PRICKLE2: variants seen among roughly 807,000 people sequenced by gnomAD.
PRICKLE2 encodes the protein prickle-like protein 2.
Under a neutral mutation model 81.4 loss-of-function variants are expected in PRICKLE2, and 21 were observed. That is an observed-to-expected ratio of 0.26 (90% confidence interval 0.18 to 0.37). The LOEUF (loss-of-function observed/expected upper bound fraction) is 0.37. Ranked by LOEUF, PRICKLE2 falls within the 10% of genes least tolerant of loss-of-function variation. The pLI is 1.00. For synonymous variants in PRICKLE2, 456 were observed against 421.5 expected (o/e 1.08, Z -1.00); for missense variants, 940 against 1,109.0 (o/e 0.85, Z 2.16).
At chr3:64,111,306 C>A (rs1312371392) in intron 7 of PRICKLE2, among the ~76,000 whole-genome samples, 1 of 152,200 alleles carries the variant, frequency 6.6e-6, no homozygotes, top group Non-Finnish European at 1.5e-5. Context: ...CACTTTTACG[C>A]ATGTTGTCAT....
At position 64,147,385 on chromosome 3, in the gene PRICKLE2, C is replaced by T. The variant is rs568569832; in HGVS notation, c.1105G>A (p.Val369Ile). Residue 369 changes from valine to isoleucine, a missense_variant, in exon 7 of 8, where the codon GTA (valine) becomes ATA (isoleucine). Physicochemically the swap from Val to Ile is conservative, Grantham distance 29 (BLOSUM62 3). Around this residue, in one of 2 missense-constraint regions of PRICKLE2, gnomAD observed 670 missense variants for 717.2 expected, o/e 0.93. Coordinates refer to ENST00000638394, the MANE Select transcript of PRICKLE2 (RefSeq NM_198859.4). The surrounding 1 kb of genome is among the most constrained non-coding windows in gnomAD (Gnocchi z 5.0). ...QVSSNRLSAD[V>I]DPLSLQMDML... Reference sequence around the variant, plus strand: ...TCCATCTGCAGTGACAGGGGGTCTACGTCGGCTGACAGCCGGTTAGAACTC... The same window carrying T: ...TCCATCTGCAGTGACAGGGGGTCTATGTCGGCTGACAGCCGGTTAGAACTC... The T allele has an allele frequency of 1.6e-5, 26 of 1,614,246 alleles. No individual in the cohort carries two copies. Among genetic ancestry groups the T allele is most frequent in the Non-Finnish European group, 2.0e-5 (24 of 1,180,050 alleles).
At chr3:64,213,927 T>A (rs2078831973) in intron 1 of PRICKLE2, among the ~76,000 whole-genome samples, 1 of 152,182 alleles carries the variant, frequency 6.6e-6, no homozygotes, top group Non-Finnish European at 1.5e-5. Context: ...ACTGGTCCCT[T>A]AATCCATGTA....
At chr3:64,233,064 A>C (rs764594600) in intron 2 of PRICKLE2, among the ~76,000 whole-genome samples, 11 of 152,228 alleles carry the variant, frequency 7.2e-5, no homozygotes, top group Admixed American at 1.3e-4. Flanking sequence ...TACAGCCTGC[A>C]AAGCCTAATA....
chr3:64,244,996 C>T (rs920036034), intron 2 of PRICKLE2, among the ~76,000 whole-genome samples: 1 of 152,086 alleles, frequency 6.6e-6, no homozygotes, highest in Admixed American at 6.5e-5. Flanking sequence ...ACCATAACAT[C>T]GCTACCAATC....
chr3:64,259,714 T>G (rs934707200), intron 2 of PRICKLE2, among the ~76,000 whole-genome samples: 2 of 152,074 alleles, frequency 1.3e-5, no homozygotes, highest in African/African-American at 4.8e-5. Flanking sequence ...AGAGGGAAAT[T>G]TGACACATGC....
chr3:64,133,106 C>G (rs895289323), intron 7 of PRICKLE2, among the ~76,000 whole-genome samples: 1 of 152,008 alleles, frequency 6.6e-6, no homozygotes, highest in Non-Finnish European at 1.5e-5. Context: ...CCAGTATTGC[C>G]AGATAAAGGT....
intron 2 of PRICKLE2, among the ~76,000 whole-genome samples, chr3:64,171,814 G>A (rs938014521): frequency 5.3e-5 from 8 of 152,196 alleles, no homozygotes; most frequent in Non-Finnish European, 8.8e-5. Flanking sequence ...GTGCTGTGGG[G>A]TGGGTGGAGA....
intron 7 of PRICKLE2, chr3:64,101,667 GC>G (rs1289588092): frequency 1.3e-5 from 2 of 152,206 alleles, no homozygotes; most frequent in African/African-American, 2.4e-5. Flanking sequence ...AAAAGAGAGG[GC>G]TCTATGTATA....
At chr3:64,215,040 A>G (rs550128326) in intron 1 of PRICKLE2, among the ~76,000 whole-genome samples, 2 of 152,084 alleles carry the variant, frequency 1.3e-5, no homozygotes, top group Non-Finnish European at 2.9e-5. Context: ...CCCTTCTAGA[A>G]TCTAATTTCC....
At chr3:64,150,739 T>C (rs1329306982) in intron 6 of PRICKLE2, among the ~76,000 whole-genome samples, 1 of 152,174 alleles carries the variant, frequency 6.6e-6, no homozygotes, top group Non-Finnish European at 1.5e-5. Context: ...CTCCAAGCTT[T>C]GGCAAGCACA....
chr3:64,157,141 C>A, intron 5 of PRICKLE2, 21 bp downstream of exon 5: 1 of 1,611,964 alleles, frequency 6.2e-7, no homozygotes, highest in Non-Finnish European at 8.5e-7. Context: ...GGCAGGTAAA[C>A]CTGCTGGAGT....
At chr3:64,179,023 CTTT>C (rs2078078875) in intron 2 of PRICKLE2, among the ~76,000 whole-genome samples, 4 of 127,994 alleles carry the variant, frequency 3.1e-5, no homozygotes, top group Admixed American at 8.2e-5. Flanking sequence ...TTCTTTCTTT[CTTT>C]CTTTCTTTCT....
chr3:64,172,159 G>A (rs959411647), intron 2 of PRICKLE2, among the ~76,000 whole-genome samples: 12 of 152,052 alleles, frequency 7.9e-5, no homozygotes, highest in Non-Finnish European at 1.5e-5. Context: ...ATTTTATCTT[G>A]TGTTAAAGAA....
chr3:64,102,738 G>C (rs2076688053), intron 7 of PRICKLE2: 2 of 152,184 alleles, frequency 1.3e-5, no homozygotes, highest in African/African-American at 4.8e-5. Context: ...TGCCAAAAAG[G>C]TTGGGGACTG....
chr3:64,212,219 C>A (rs1184401688), intron 1 of PRICKLE2, among the ~76,000 whole-genome samples: 1 of 152,346 alleles, frequency 6.6e-6, no homozygotes, highest in Non-Finnish European at 1.5e-5. Context: ...GTCAGACCTG[C>A]TGTTCTGCAA....
At chr3:64,101,859 T>C (rs546056921) in intron 7 of PRICKLE2, 1 of 152,330 alleles carries the variant, frequency 6.6e-6, no homozygotes, top group South Asian at 2.1e-4. Context: ...TCCCTACACA[T>C]TGCTTATTAG....
intron 7 of PRICKLE2, among the ~76,000 whole-genome samples, chr3:64,133,855 A>C (rs1452914164): frequency 6.6e-5 from 10 of 152,164 alleles, no homozygotes; most frequent in Admixed American, 6.5e-4. Context: ...TGGATCATTG[A>C]CATGTACAGA....
At chr3:64,151,296 G>T (rs1278008039) in intron 6 of PRICKLE2, among the ~76,000 whole-genome samples, 1 of 152,202 alleles carries the variant, frequency 6.6e-6, no homozygotes, top group Non-Finnish European at 1.5e-5. Flanking sequence ...TTTAACTACA[G>T]CAGCAATAAT....
intron 7 of PRICKLE2, among the ~76,000 whole-genome samples, chr3:64,142,248 T>A (rs2077373179): frequency 6.6e-6 from 1 of 151,938 alleles, no homozygotes; most frequent in African/African-American, 2.4e-5. Context: ...ATTCCCTGTT[T>A]TTCATGGTTT....
Sources: allele counts gnomAD v4.1 joint callset (sites outside exome capture counted in the v4.1 genomes callset), GRCh38; gene constraint gnomAD v4.1.1; regional missense constraint gnomAD v4.1.1; non-coding constraint Gnocchi (gnomAD v3.1); transcripts MANE v1.5; gene names NCBI Gene and HGNC (gene_info 2026-07-23, HGNC 2026-07-21).